Variants in MARK1 observed in about 807,000 individuals in gnomAD.
The protein encoded by MARK1 is microtubule affinity regulating kinase 1, also known as serine/threonine-protein kinase MARK1.
Under a neutral mutation model 96.3 loss-of-function variants are expected in MARK1, and 40 were observed. The ratio of observed to expected loss-of-function variants is 0.42; its 90% confidence interval spans 0.32 to 0.54. The LOEUF is 0.54. Ranked by LOEUF, MARK1 falls within the 20% of genes least tolerant of loss-of-function variation. MARK1 has a pLI of 0.16. For synonymous variants in MARK1, 317 were observed against 341.2 expected, an observed-to-expected ratio of 0.93 and a Z score of 0.78; for missense variants, 719 against 984.6, an observed-to-expected ratio of 0.73 and a Z score of 3.61.
Position 220,639,462 on chromosome 1 carries a change from G to A in MARK1, c.1470+3436G>A, listed in dbSNP as rs562668713. ...GCATATTATTTCATTGGTATTAACA[G>A]ATAGATATAATTTATTCAACCTTTC... On this transcript the variant is annotated intron_variant, in intron 13 of 17. Coordinates refer to ENST00000366917, the MANE Select transcript of MARK1 (RefSeq NM_018650.5). Among the ~76,000 whole-genome samples the A allele has an allele frequency of 3.7e-4, 57 of 152,222 alleles. 1 individual carries two copies. Among genetic ancestry groups the A allele is most frequent in the Admixed American group, 2.0e-3 (30 of 15,286 alleles).
rs111532720 is a variant in MARK1 at position 220,614,383 on chromosome 1, T to C, written c.496-1556T>C. On this transcript the variant is annotated intron_variant, in intron 6 of 17. Transcript: ENST00000366917. ...CCCCAGATCTCCACATTTTAAAATA[T>C]TTCTGTCCTTCAAGGATGGCTTAGA... 1.8e-4 allele frequency among the ~76,000 whole-genome samples: 28 copies of C among 152,230 alleles called. 1 individual carries two copies. The highest frequency in any genetic ancestry group is 6.7e-4 in the African/African-American group (28 of 41,540).
intron 2 of MARK1, among the ~76,000 whole-genome samples, chr1:220,580,744 C>T (rs1468771989): frequency 6.6e-6 from 1 of 152,208 alleles, no homozygotes; most frequent in Non-Finnish European, 1.5e-5. Context: ...TCACAAGCCA[C>T]TTCCCCCTAT....
intron 1 of MARK1, among the ~76,000 whole-genome samples, chr1:220,530,588 A>C (rs866711601): frequency 6.6e-6 from 1 of 152,204 alleles, no homozygotes. Context: ...ACTTGTATGA[A>C]TAAGGTACTT....
chr1:220,596,401 G>A (rs1665353773), intron 3 of MARK1, among the ~76,000 whole-genome samples: 1 of 152,140 alleles, frequency 6.6e-6, no homozygotes, highest in East Asian at 1.9e-4. Context: ...AAATGAAAAT[G>A]TGTTTCAAAG....
intron 1 of MARK1, among the ~76,000 whole-genome samples, chr1:220,543,493 T>C (rs551393652): frequency 2.6e-5 from 4 of 152,328 alleles, no homozygotes; most frequent in Admixed American, 6.5e-5. Context: ...GAATGCATAC[T>C]TACACATTTT....
rs10495148 is a variant in MARK1, at chr1:220,547,065, A to C, written c.51+18192A>C. Reference sequence around the variant, plus strand: ...TGGATAAGCTAGTTTATCTTGGATCAAATCACTAACCTTTCTTTCTTATGG... The same window carrying C: ...TGGATAAGCTAGTTTATCTTGGATCCAATCACTAACCTTTCTTTCTTATGG... On this transcript the variant is annotated intron_variant, in intron 1 of 17. Transcript: ENST00000366917. Among the ~76,000 whole-genome samples the C allele has an allele frequency of 8.5e-3, 1,297 of 152,300 alleles. 16 individuals are homozygous for C. Among genetic ancestry groups the C allele is most frequent in the African/African-American group, 0.029 (1,186 of 41,554 alleles).
At chr1:220,622,360 G>T (rs1667091454) in intron 9 of MARK1, among the ~76,000 whole-genome samples, 1 of 151,974 alleles carries the variant, frequency 6.6e-6, no homozygotes, top group African/African-American at 2.4e-5. Context: ...GTCGTCATTG[G>T]TCCTCCCATA....
chr1:220,581,342 T>C (rs1664230163), intron 3 of MARK1, among the ~76,000 whole-genome samples: 1 of 152,208 alleles, frequency 6.6e-6, no homozygotes, highest in Non-Finnish European at 1.5e-5. Flanking sequence ...AATGTATCTC[T>C]TCTATTCAAT....
chr1:220,567,793 G>A (rs1663160634), intron 1 of MARK1, among the ~76,000 whole-genome samples: 1 of 152,136 alleles, frequency 6.6e-6, no homozygotes, highest in Admixed American at 6.5e-5. Context: ...GGCTCAGAGA[G>A]GTAACTTCCT....
chr1:220,556,720 G>T (rs900517668), intron 1 of MARK1, among the ~76,000 whole-genome samples: 4 of 152,078 alleles, frequency 2.6e-5, no homozygotes, highest in East Asian at 1.9e-4. Context: ...ATTAGAAAAA[G>T]AACTAAATAG....
At chr1:220,611,335 T>C (rs1309179794) in intron 6 of MARK1, among the ~76,000 whole-genome samples, 3 of 152,194 alleles carry the variant, frequency 2.0e-5, no homozygotes, top group Admixed American at 1.3e-4. Context: ...CTCAGACTGT[T>C]GTGCTAGCGG....
chr1:220,652,701 A>T (rs1247367931), intron 15 of MARK1, among the ~76,000 whole-genome samples: 1 of 152,220 alleles, frequency 6.6e-6, no homozygotes, highest in African/African-American at 2.4e-5. Context: ...TGGTGGTGCC[A>T]TGTGGTATTG....
intron 1 of MARK1, among the ~76,000 whole-genome samples, chr1:220,539,771 T>G (rs185155007): frequency 2.1e-3 from 317 of 152,128 alleles, no homozygotes; most frequent in Non-Finnish European, 3.4e-3. Flanking sequence ...ATTGAATTGC[T>G]AGGTTTTTTT....
chr1:220,546,972 C>CAA (rs56026911), intron 1 of MARK1, among the ~76,000 whole-genome samples: 2 of 131,094 alleles, frequency 1.5e-5, no homozygotes, highest in African/African-American at 5.6e-5. Context: ...ACTCCGTCTC[C>CAA]AAAAAAAAAA....
chr1:220,654,177 G>A lies in MARK1; in HGVS notation c.1988+825G>A, dbSNP rs554554218. Among the ~76,000 whole-genome samples, 9 of 152,346 alleles carry A rather than the reference G, an allele frequency of 5.9e-5. No homozygotes were observed. The South Asian group carries it at 1.4e-3, about 25-fold the overall frequency. On this transcript the variant is annotated intron_variant, in intron 16 of 17. Transcript: ENST00000366917. This position sits in a 1 kb window ranked among gnomAD's most constrained non-coding sequence, Gnocchi z 4.0. ...TAAAGCAGAACATGTGCTAAAAAGT[G>A]TGGGCAACATGCTGGATTCCAGAGG...
intron 9 of MARK1, among the ~76,000 whole-genome samples, chr1:220,628,356 CACTTAA>C (rs1558308689): frequency 2.6e-5 from 4 of 152,150 alleles, no homozygotes; most frequent in Admixed American, 1.3e-4. Flanking sequence ...AGAGTATCTA[CACTTAA>C]ACCATCACCC....
intron 3 of MARK1, among the ~76,000 whole-genome samples, chr1:220,591,187 C>T (rs1449512158): frequency 6.6e-6 from 1 of 151,980 alleles, no homozygotes; most frequent in African/African-American, 2.4e-5. Flanking sequence ...AGTCAAAAAC[C>T]CAACTTAAGA....
intron 9 of MARK1, chr1:220,626,843 G>T: frequency 9.8e-6 from 4 of 409,612 alleles, no homozygotes. Context: ...AAGGGTTGAG[G>T]GGGGCATGCC....
At chr1:220,547,944 C>G (rs1661612679) in intron 1 of MARK1, among the ~76,000 whole-genome samples, 1 of 152,222 alleles carries the variant, frequency 6.6e-6, no homozygotes, top group Admixed American at 6.5e-5. Flanking sequence ...ATTACTGACT[C>G]CTGTATCAAG....
Sources: gnomAD v4.1 joint callset for allele counts (sites outside exome capture counted in the v4.1 genomes callset) on GRCh38, gnomAD v4.1.1 for gene constraint, Gnocchi (gnomAD v3.1) non-coding constraint, MANE v1.5 for transcripts, NCBI Gene and HGNC (gene_info 2026-07-23, HGNC 2026-07-21) for gene names.